The following AFF3 variants were observed in gnomAD, a reference collection of about 807,000 sequenced individuals.
The protein encoded by AFF3 is AF4/FMR2 family member 3.
In AFF3, 32 loss-of-function variants were observed where a neutral mutation model predicts 129.7. The ratio of observed to expected loss-of-function variants is 0.25; its 90% CI spans 0.19 to 0.33. The LOEUF is 0.33. AFF3 is among the 10% of genes least tolerant of loss of function. The pLI, the probability that AFF3 is intolerant of heterozygous loss-of-function variation, is 1.00. For synonymous variants in AFF3, 644 were observed against 635.4 expected (o/e 1.01, Z -0.20); for missense variants, 1,373 against 1,592.0 (o/e 0.86, Z 2.34).
At chr2:99,612,103 G>A (rs75396881) in intron 13 of AFF3, among the ~76,000 whole-genome samples, 2,661 of 152,146 alleles carry the variant, frequency 0.017, 45 homozygotes, top group South Asian at 0.029. Flanking sequence ...CCTTCTCCCC[G>A]CCTTTCAGCC....
intron 11 of AFF3, among the ~76,000 whole-genome samples, chr2:99,706,239 T>C (rs923957933): frequency 2.6e-5 from 4 of 152,250 alleles, no homozygotes; most frequent in Admixed American, 2.6e-4. Flanking sequence ...AGTGCTCTGA[T>C]GTACACCCTG....
chr2:100,018,191 C>T (rs966797557), intron 4 of AFF3, among the ~76,000 whole-genome samples: 2 of 152,090 alleles, frequency 1.3e-5, no homozygotes, highest in Non-Finnish European at 2.9e-5. Flanking sequence ...TAAACAGACT[C>T]GCCCATTTTA....
chr2:99,746,509 G>A (rs1575852645), intron 9 of AFF3, among the ~76,000 whole-genome samples: 1 of 152,214 alleles, frequency 6.6e-6, no homozygotes, highest in Non-Finnish European at 1.5e-5. Context: ...GTCATATGCA[G>A]ATGCCTAATA....
intron 11 of AFF3, among the ~76,000 whole-genome samples, chr2:99,704,486 G>T (rs1677173698): frequency 6.6e-6 from 1 of 152,124 alleles, no homozygotes; most frequent in African/African-American, 2.4e-5. Flanking sequence ...CAGGTGGCAA[G>T]GTGCAGGCTA....
At chr2:100,113,240 C>G (rs1302873355) in intron 2 of AFF3, among the ~76,000 whole-genome samples, 2 of 152,156 alleles carry the variant, frequency 1.3e-5, no homozygotes, top group South Asian at 4.1e-4. Flanking sequence ...ACATGCCAAG[C>G]AGTGAGCTAA....
intron 7 of AFF3, among the ~76,000 whole-genome samples, chr2:99,927,060 G>T (rs1696301940): frequency 6.6e-6 from 1 of 152,058 alleles, no homozygotes; most frequent in Admixed American, 6.6e-5. Flanking sequence ...TTGAGAGCCT[G>T]GACTCCTACC....
At chr2:99,872,207 C>CAAAA (rs397871895) in intron 7 of AFF3, among the ~76,000 whole-genome samples, 3 of 61,780 alleles carry the variant, frequency 4.9e-5, no homozygotes, top group South Asian at 9.2e-4. Context: ...GACTCCATCT[C>CAAAA]AAAAAAAAAA....
At chr2:99,707,288 AT>A (rs1255329876) in intron 11 of AFF3, 1 of 985,210 alleles carries the variant, frequency 1.0e-6, no homozygotes, top group Non-Finnish European at 1.2e-6. Flanking sequence ...GCTTTTAGTA[AT>A]TTGTCTGGTT....
chr2:99,979,267 G>C (rs998468587), intron 7 of AFF3, among the ~76,000 whole-genome samples: 2 of 152,048 alleles, frequency 1.3e-5, no homozygotes, highest in Non-Finnish European at 2.9e-5. Context: ...GGAAAAATCA[G>C]TGCCTAAGAA....
At chr2:99,865,648 A>T (rs1357447472) in intron 7 of AFF3, among the ~76,000 whole-genome samples, 1 of 152,256 alleles carries the variant, frequency 6.6e-6, no homozygotes, top group African/African-American at 2.4e-5. Context: ...GTTGGGAGCC[A>T]TCAAAGAAGC....
chr2:99,575,103 T>C (rs572343181), intron 18 of AFF3, among the ~76,000 whole-genome samples: 7 of 152,180 alleles, frequency 4.6e-5, no homozygotes, highest in African/African-American at 9.7e-5. Context: ...ATCATTATAC[T>C]TCAGCTCTTG....
At chr2:99,616,125 A>G (rs1430265124) in intron 13 of AFF3, among the ~76,000 whole-genome samples, 1 of 152,182 alleles carries the variant, frequency 6.6e-6, no homozygotes, top group Non-Finnish European at 1.5e-5. Flanking sequence ...CTCTACTGTG[A>G]GGAACACCTC....
At chr2:100,062,988 C>T (rs763285099) in intron 4 of AFF3, among the ~76,000 whole-genome samples, 24 of 151,910 alleles carry the variant, frequency 1.6e-4, no homozygotes, top group African/African-American at 3.6e-4. Flanking sequence ...CAGTGGCTCA[C>T]GACCGTAATC....
At chr2:100,061,545 A>G (rs1453987930) in intron 4 of AFF3, among the ~76,000 whole-genome samples, 1 of 152,192 alleles carries the variant, frequency 6.6e-6, no homozygotes, top group African/African-American at 2.4e-5. Flanking sequence ...CAGGAGTCAG[A>G]GAAAGGAGAA....
At chr2:99,670,698 G>C (rs943392953) in intron 12 of AFF3, among the ~76,000 whole-genome samples, 6 of 152,106 alleles carry the variant, frequency 3.9e-5, no homozygotes, top group Admixed American at 3.3e-4. Flanking sequence ...GCCAAAGCAG[G>C]ACAACTTAAT....
intron 8 of AFF3, among the ~76,000 whole-genome samples, chr2:99,833,513 T>C (rs573900857): frequency 4.6e-5 from 7 of 152,302 alleles, no homozygotes; most frequent in African/African-American, 7.2e-5. Context: ...TCTAAATTCA[T>C]TCCTTAAGTC....
intron 8 of AFF3, among the ~76,000 whole-genome samples, chr2:99,777,665 T>C (rs748366471): frequency 6.6e-6 from 1 of 152,194 alleles, no homozygotes; most frequent in Non-Finnish European, 1.5e-5. Flanking sequence ...CAGGTAAGGA[T>C]TGCTAGCTCT....
chr2:99,581,522 C>CTTT (rs74265080), intron 17 of AFF3, among the ~76,000 whole-genome samples: 1 of 145,320 alleles, frequency 6.9e-6, no homozygotes, highest in Non-Finnish European at 1.5e-5. Flanking sequence ...GAATCCTGTT[C>CTTT]TTTTTTTTTT....
rs567954848 is a variant in AFF3 at position 100,094,608 on chromosome 2, C to G, written c.53+9794G>C. 1.9e-3 allele frequency among the ~76,000 whole-genome samples: 283 copies of G among 150,294 alleles called. 5 individuals are homozygous for G. The highest frequency in any genetic ancestry group is 6.7e-3 in the African/African-American group (273 of 40,476). ...TAACAGGCCCCGGACCAATATTGAT[C>G]CACAGCCCGGGGGCTGGGGACCCCT... On this transcript the variant is annotated intron_variant, in intron 4 of 24. Transcript: ENST00000672756.
Sources: allele counts gnomAD v4.1 joint callset (sites outside exome capture counted in the v4.1 genomes callset), GRCh38; gene constraint gnomAD v4.1.1; transcripts MANE v1.5; gene names NCBI Gene and HGNC (gene_info 2026-07-23, HGNC 2026-07-21).